CEP112: variants seen among roughly 807,000 people sequenced by gnomAD.
CEP112 encodes centrosomal protein 112.
In CEP112, 127 loss-of-function variants were observed where a neutral mutation model predicts 153.0. That is an observed-to-expected ratio of 0.83 (90% CI 0.72 to 0.96). The LOEUF (loss-of-function observed/expected upper bound fraction) is 0.96. CEP112 is among the 40% of genes least tolerant of loss of function. The pLI is 0.00. For missense variants in CEP112, 1,089 were observed against 1,101.2 expected, an observed-to-expected ratio of 0.99 and a Z score of 0.16; for synonymous variants, 358 against 374.4, an observed-to-expected ratio of 0.96 and a Z score of 0.51.
At chr17:65,887,167 A>T (rs185129518) in intron 20 of CEP112, among the ~76,000 whole-genome samples, 1 of 152,244 alleles carries the variant, frequency 6.6e-6, no homozygotes, top group East Asian at 1.9e-4. Context: ...CAGGGGAGAC[A>T]GAGTTCATGG....
At chr17:66,169,369 T>C (rs1206070291) in intron 4 of CEP112, among the ~76,000 whole-genome samples, 1 of 150,154 alleles carries the variant, frequency 6.7e-6, no homozygotes, top group Non-Finnish European at 1.5e-5. Context: ...CTACATCCTC[T>C]GGCTCCTGGG....
chr17:66,158,407 T>C (rs2071539306), intron 4 of CEP112, among the ~76,000 whole-genome samples: 1 of 151,952 alleles, frequency 6.6e-6, no homozygotes, highest in Non-Finnish European at 1.5e-5. Flanking sequence ...GGTCAGGAGA[T>C]CGAGATCATC....
chr17:66,044,900 G>C (rs946421846), intron 12 of CEP112, among the ~76,000 whole-genome samples: 1 of 151,880 alleles, frequency 6.6e-6, no homozygotes, highest in African/African-American at 2.4e-5. Context: ...AGAATGTGAT[G>C]ATTTATTTGT....
intron 16 of CEP112, among the ~76,000 whole-genome samples, chr17:66,015,687 G>A (rs561166503): frequency 1.3e-5 from 2 of 152,250 alleles, no homozygotes; most frequent in African/African-American, 4.8e-5. Context: ...CTGGGGTCTG[G>A]ACATTTATAA....
intron 21 of CEP112, among the ~76,000 whole-genome samples, chr17:65,824,309 A>G (rs1212937399): frequency 1.3e-5 from 2 of 152,254 alleles, no homozygotes; most frequent in Non-Finnish European, 2.9e-5. Flanking sequence ...GCCAGACTCA[A>G]AAAGCTAACT....
At chr17:65,740,372 T>C (rs1208052995) in intron 23 of CEP112, among the ~76,000 whole-genome samples, 1 of 152,214 alleles carries the variant, frequency 6.6e-6, no homozygotes. Flanking sequence ...CGATTATTAA[T>C]TGCCACCTTT....
At chr17:66,056,794 T>C (rs1477001271) in intron 11 of CEP112, among the ~76,000 whole-genome samples, 1 of 152,212 alleles carries the variant, frequency 6.6e-6, no homozygotes, top group Non-Finnish European at 1.5e-5. Flanking sequence ...GAAAATGGTC[T>C]GTAAATTATA....
At chr17:66,089,013 A>C (rs939090191) in intron 8 of CEP112, among the ~76,000 whole-genome samples, 3 of 152,100 alleles carry the variant, frequency 2.0e-5, no homozygotes, top group Non-Finnish European at 4.4e-5. Flanking sequence ...CCAAACTCCA[A>C]GCTCACTCCC....
chr17:65,828,190 G>C (rs2056921972), intron 21 of CEP112, among the ~76,000 whole-genome samples: 1 of 152,298 alleles, frequency 6.6e-6, no homozygotes, highest in South Asian at 2.1e-4. Context: ...TGTGCCATTA[G>C]TCTGTTAACT....
chr17:66,039,296 T>C (rs1303440145), intron 12 of CEP112, among the ~76,000 whole-genome samples: 3 of 152,154 alleles, frequency 2.0e-5, no homozygotes, highest in African/African-American at 4.8e-5. Context: ...GAGTTTTACA[T>C]ACAAACTTAA....
At chr17:65,775,948 G>A (rs10512503) in intron 21 of CEP112, among the ~76,000 whole-genome samples, 78,103 of 152,078 alleles carry the variant, frequency 0.51, 21,692 homozygotes, top group Non-Finnish European at 0.63. Flanking sequence ...CAATTAATCA[G>A]TGACGACTGG....
At chr17:65,651,528 G>C (rs2045775225) in intron 24 of CEP112, among the ~76,000 whole-genome samples, 1 of 152,126 alleles carries the variant, frequency 6.6e-6, no homozygotes, top group Admixed American at 6.5e-5. Flanking sequence ...GTTTTCCATA[G>C]TGGTTGTACT....
intron 23 of CEP112, among the ~76,000 whole-genome samples, chr17:65,696,844 T>C (rs1217687247): frequency 6.6e-6 from 1 of 151,880 alleles, no homozygotes; most frequent in Non-Finnish European, 1.5e-5. Context: ...TAAAAAAAAA[T>C]GAGGTCATCA....
chr17:65,688,735 C>G (rs1466420188), intron 24 of CEP112: 1 of 156,862 alleles, frequency 6.4e-6, no homozygotes, highest in African/African-American at 2.4e-5. Flanking sequence ...TTACTTGCAC[C>G]CAAAGCATCT....
At chr17:65,727,786 C>T (rs1363054974) in intron 23 of CEP112, among the ~76,000 whole-genome samples, 2 of 152,082 alleles carry the variant, frequency 1.3e-5, no homozygotes, top group Non-Finnish European at 2.9e-5. Context: ...AGGAATCAGG[C>T]CAGGGCTTCT....
intron 16 of CEP112, among the ~76,000 whole-genome samples, chr17:66,025,634 TAAC>T (rs1317859445): frequency 2.6e-5 from 4 of 152,094 alleles, no homozygotes; most frequent in African/African-American, 7.2e-5. Context: ...TGGCTATTAT[TAAC>T]AAGTCAAAAA....
intron 17 of CEP112, among the ~76,000 whole-genome samples, chr17:65,965,612 T>G (rs1175413842): frequency 6.9e-6 from 1 of 145,710 alleles, no homozygotes; most frequent in Non-Finnish European, 1.5e-5. Context: ...AGCCTTGAAC[T>G]CCTGGACTCA....
intron 24 of CEP112, 142 bp from the exon 25 acceptor site, chr17:65,641,207 G>A (rs1449088291): frequency 1.8e-6 from 1 of 566,782 alleles, no homozygotes; most frequent in Admixed American, 3.2e-5. Flanking sequence ...GATGAAATAA[G>A]AAGAAAGAGT....
chr17:65,801,206 A>G lies in CEP112; in HGVS notation c.2395-50482T>C, dbSNP rs534403076. Among the ~76,000 whole-genome samples the G allele has an allele frequency of 1.2e-4, 18 of 152,176 alleles. No individual in the cohort carries two copies. The South Asian group carries it at 3.5e-3, about 30-fold the overall frequency. ...CCTGAGTGGCTGGGACTACAGGCAC[A>G]TGCCACTACATCTGGATAATATTTC... is the stretch of plus-strand genomic sequence containing the variant. On this transcript the variant is annotated intron_variant, in intron 21 of 26. Transcript: ENST00000535342.
Sources: gnomAD v4.1 joint callset for allele counts (sites outside exome capture counted in the v4.1 genomes callset) on GRCh38, gnomAD v4.1.1 for gene constraint, MANE v1.5 for transcripts, NCBI Gene and HGNC (gene_info 2026-07-23, HGNC 2026-07-21) for gene names.